The following NEURL1B variants were observed in gnomAD, a reference collection of about 807,000 sequenced individuals.
NEURL1B encodes neuralized E3 ubiquitin protein ligase 1B, also known as E3 ubiquitin-protein ligase NEURL1B.
In NEURL1B, 13 loss-of-function variants were observed where a neutral mutation model predicts 37.4. That is an observed-to-expected ratio of 0.35 (90% CI 0.23 to 0.55). The LOEUF (loss-of-function observed/expected upper bound fraction) is 0.55. Ranked by LOEUF, NEURL1B falls within the 20% of genes least tolerant of loss-of-function variation. The pLI is 0.89. For synonymous variants in NEURL1B, 432 were observed against 426.6 expected, an observed-to-expected ratio of 1.01 and a Z score of -0.16; for missense variants, 790 against 879.2, an observed-to-expected ratio of 0.90 and a Z score of 1.28.
chr5:172,677,628 T>C (rs1388502119), intron 2 of NEURL1B, among the ~76,000 whole-genome samples: 1 of 152,160 alleles, frequency 6.6e-6, no homozygotes, highest in Non-Finnish European at 1.5e-5. Context: ...CCATCTTTTT[T>C]CCTAGAACCT....
At chr5:172,642,227 C>T (rs1757477384) in intron 1 of NEURL1B, among the ~76,000 whole-genome samples, 1 of 152,162 alleles carries the variant, frequency 6.6e-6, no homozygotes, top group Non-Finnish European at 1.5e-5. Context: ...AAAGAAGCTT[C>T]GCGATAAAGA....
intron 1 of NEURL1B, among the ~76,000 whole-genome samples, chr5:172,658,409 G>C (rs1425153782): frequency 6.6e-6 from 1 of 152,138 alleles, no homozygotes; most frequent in African/African-American, 2.4e-5. Flanking sequence ...GAGGCTTTCA[G>C]GCGTTTGGGG....
intron 2 of NEURL1B, among the ~76,000 whole-genome samples, chr5:172,679,137 C>G (rs563534109): frequency 6.6e-6 from 1 of 152,264 alleles, no homozygotes; most frequent in Non-Finnish European, 1.5e-5. Context: ...CTGGGCTGCT[C>G]TCAGAGCTGA....
At chr5:172,656,264 C>T (rs892941946) in intron 1 of NEURL1B, among the ~76,000 whole-genome samples, 4 of 151,864 alleles carry the variant, frequency 2.6e-5, no homozygotes, top group African/African-American at 7.3e-5. Flanking sequence ...GTAATCGGAA[C>T]GAATTAGAGT....
At chr5:172,670,597 C>A (rs1244911888) in intron 2 of NEURL1B, among the ~76,000 whole-genome samples, 1 of 152,230 alleles carries the variant, frequency 6.6e-6, no homozygotes, top group African/African-American at 2.4e-5. Flanking sequence ...ATGCTCTGGC[C>A]CAGGTTCATT....
At chr5:172,670,626 C>T (rs145037799) in intron 2 of NEURL1B, among the ~76,000 whole-genome samples, 1 of 152,358 alleles carries the variant, frequency 6.6e-6, no homozygotes, top group South Asian at 2.1e-4. Flanking sequence ...CATTCCTTCA[C>T]TTCCTAGTTT....
intron 1 of NEURL1B, among the ~76,000 whole-genome samples, chr5:172,655,879 C>T (rs553462613): frequency 2.0e-5 from 3 of 152,270 alleles, no homozygotes; most frequent in Middle Eastern, 3.4e-3. Context: ...AATATAATCA[C>T]GGGCGAGCCC....
At position 172,688,022 on chromosome 5, in the gene NEURL1B, T is replaced by C. The variant is rs896601935; in HGVS notation, c.*1097T>C. On this transcript the variant is annotated 3_prime_UTR_variant, in exon 5 of 5. Coordinates refer to ENST00000369800, the MANE Select transcript of NEURL1B (RefSeq NM_001142651.3). This position sits in a 1 kb window ranked among gnomAD's most constrained non-coding sequence, Gnocchi z 4.3. ...TTACTAAAGTGTTCACTGATAAGTA[T>C]GTTAACTAATGATCGAGACAGTAAC... The C allele has an allele frequency of 1.3e-5, 2 of 152,686 alleles. No homozygotes were observed. The highest frequency in any genetic ancestry group is 2.9e-5 in the Non-Finnish European group (2 of 68,048). The allele number at this position is 152,686 out of a possible 1,614,324, so 9.5% of individuals were successfully genotyped here. A position where few individuals can be genotyped will look rare whatever the true frequency, so the allele number is the denominator to read the frequency against.
At position 172,665,764 on chromosome 5, in the gene NEURL1B, T is replaced by A. The variant is rs1435565497; in HGVS notation, c.32-4021T>A. On this transcript the variant is annotated intron_variant, in intron 1 of 4. Transcript: ENST00000369800. The surrounding 1 kb of genome is among the most constrained non-coding windows in gnomAD (Gnocchi z 4.1). ...CTGCTCCCTCTCCTCCCTCGAGACCTGGCTCAGTGGGCATCCCACTATTCC... is the reference window on the plus strand; with the variant it reads ...CTGCTCCCTCTCCTCCCTCGAGACCAGGCTCAGTGGGCATCCCACTATTCC... 6.9e-6 allele frequency among the ~76,000 whole-genome samples: 1 copy of A among 144,574 alleles called. No individual in the cohort carries two copies. The highest frequency in any genetic ancestry group is 2.6e-5 in the African/African-American group (1 of 38,116). The allele number at this position is 144,574 out of a possible 152,430, so 94.8% of individuals were successfully genotyped here. A position where few individuals can be genotyped will look rare whatever the true frequency, so the allele number is the denominator to read the frequency against.
In NEURL1B at chr5:172,661,397, T is replaced by A. The variant is rs890356879; in HGVS notation, c.32-8388T>A. ...GCTTCTAACAAGGTCCATGAACCAT[T>A]CCCCACGCCCCGCCAACCCAAAAGT... is the stretch of plus-strand genomic sequence containing the variant. On this transcript the variant is annotated intron_variant, in intron 1 of 4. Transcript: ENST00000369800. This position sits in a 1 kb window ranked among gnomAD's most constrained non-coding sequence, Gnocchi z 4.0. Among the ~76,000 whole-genome samples, 2 of 152,118 alleles carry A rather than the reference T, an allele frequency of 1.3e-5. No individual in the cohort carries two copies. Among genetic ancestry groups the A allele is most frequent in the African/African-American group, 4.8e-5 (2 of 41,420 alleles).
At chr5:172,642,947 G>A (rs1050973434) in intron 1 of NEURL1B, among the ~76,000 whole-genome samples, 5 of 152,216 alleles carry the variant, frequency 3.3e-5, no homozygotes, top group Admixed American at 1.3e-4. Context: ...GAGGCACCTC[G>A]GCACAGGCCC....
chr5:172,685,837 C>T (rs967559947), intron 3 of NEURL1B, among the ~76,000 whole-genome samples: 4 of 152,184 alleles, frequency 2.6e-5, no homozygotes, highest in East Asian at 1.9e-4. Flanking sequence ...TCGGGCCTTA[C>T]GGGGGTTATG....
Position 172,686,735 on chromosome 5 carries a change from C to T in NEURL1B, c.1478C>T (p.Pro493Leu), listed in dbSNP as rs530003530. 4.0e-5 allele frequency: 62 copies of T among 1,551,506 alleles called. No homozygotes were observed. Among genetic ancestry groups the T allele is most frequent in the African/African-American group, 1.2e-4 (9 of 73,156 alleles). Residue 493 changes from proline to leucine, a missense_variant, in exon 5 of 5, where the codon CCG (proline) becomes CTG (leucine). Pro to Leu is a moderately conservative substitution (Grantham distance 98, BLOSUM62 -3). Around this residue, in one of 3 missense-constraint regions of NEURL1B, gnomAD observed 115 missense variants for 162.6 expected, o/e 0.71. Transcript: ENST00000369800. The surrounding 1 kb of genome is among the most constrained non-coding windows in gnomAD (Gnocchi z 7.9). ...CCGGTGTCCCCCGTGTTCTCCCCAC[C>T]GGAGCCGGCAGGCATCAAGAATGGC... ...SPPVSPVFSP[P>L]EPAGIKNGEC...
At position 172,641,335 on chromosome 5, in the gene NEURL1B, C is replaced by T. The variant is rs1187403994; in HGVS notation, c.-72C>T. ...CCGGAGCGTCGACCCCGGTCCTGGT[C>T]CCTGGCCCGCCGCGTAATTAGCCTC... is the stretch of plus-strand genomic sequence containing the variant. On this transcript the variant is annotated 5_prime_UTR_variant, in exon 1 of 5. Transcript: ENST00000369800. This position sits in a 1 kb window ranked among gnomAD's most constrained non-coding sequence, Gnocchi z 6.4. The T allele has an allele frequency of 7.4e-7, 1 of 1,344,844 alleles. No homozygotes were observed. Among genetic ancestry groups the T allele is most frequent in the East Asian group, 3.1e-5 (1 of 32,204 alleles). 83.3% of individuals were successfully genotyped at this position (1,344,844 alleles called of 1,614,324 possible). A position where few individuals can be genotyped will look rare whatever the true frequency, so the allele number is the denominator to read the frequency against.
chr5:172,681,800 G>A (rs1421612450), intron 2 of NEURL1B, among the ~76,000 whole-genome samples: 1 of 152,190 alleles, frequency 6.6e-6, no homozygotes, highest in Non-Finnish European at 1.5e-5. Context: ...AACTAAAGAG[G>A]AAATATTTTT....
chr5:172,669,734 C>T (rs1399525323), intron 1 of NEURL1B, 51 bp from the exon 2 acceptor site: 3 of 1,183,842 alleles, frequency 2.5e-6, no homozygotes, highest in African/African-American at 3.3e-5. Flanking sequence ...CCAATCGGGG[C>T]CCGCAGGAGT....
chr5:172,680,981 G>T (rs1367533283), intron 2 of NEURL1B, among the ~76,000 whole-genome samples: 1 of 152,228 alleles, frequency 6.6e-6, no homozygotes, highest in Admixed American at 6.5e-5. Context: ...GGCTGTACAG[G>T]AAGCACGGCT....
At chr5:172,662,976 C>T (rs1757930805) in intron 1 of NEURL1B, among the ~76,000 whole-genome samples, 1 of 151,230 alleles carries the variant, frequency 6.6e-6, no homozygotes, top group Admixed American at 6.6e-5. Flanking sequence ...CCTGTAATCC[C>T]AGTACTTTGG....
chr5:172,682,315 C>A (rs1758369689), intron 2 of NEURL1B, among the ~76,000 whole-genome samples: 1 of 152,232 alleles, frequency 6.6e-6, no homozygotes, highest in Non-Finnish European at 1.5e-5. Context: ...TGACTCACGC[C>A]TATAATCCCA....
Sources: allele counts gnomAD v4.1 joint callset (sites outside exome capture counted in the v4.1 genomes callset), GRCh38; gene constraint gnomAD v4.1.1; regional missense constraint gnomAD v4.1.1; non-coding constraint Gnocchi (gnomAD v3.1); transcripts MANE v1.5; gene names NCBI Gene and HGNC (gene_info 2026-07-23, HGNC 2026-07-21).